The following EPSTI1 variants were observed in gnomAD, a reference collection of about 807,000 sequenced individuals.
EPSTI1 encodes the protein epithelial stromal interaction 1.
In EPSTI1, 66 loss-of-function variants were observed where a neutral mutation model predicts 49.9. That is an observed-to-expected ratio of 1.32 (90% CI 1.08 to 1.62). The LOEUF is 1.62. EPSTI1 is among the 40% of genes most tolerant of loss of function. The pLI is 0.00. For synonymous variants in EPSTI1, 137 were observed against 130.7 expected (o/e 1.05, Z -0.33); for missense variants, 394 against 365.5 (o/e 1.08, Z -0.64).
At chr13:42,936,875 T>C (rs2038582074) in intron 6 of EPSTI1, among the ~76,000 whole-genome samples, 1 of 152,194 alleles carries the variant, frequency 6.6e-6, no homozygotes, top group Non-Finnish European at 1.5e-5. Context: ...GGTTTTCACC[T>C]AGTAGCCCCC....
intron 1 of EPSTI1, among the ~76,000 whole-genome samples, chr13:42,976,293 A>AT (rs988527718): frequency 2.0e-5 from 3 of 152,202 alleles, no homozygotes; most frequent in African/African-American, 7.2e-5. Context: ...GGAATACACC[A>AT]TTTTTACAGC....
Position 42,917,640 on chromosome 13 carries a change from G to GACAAA in EPSTI1, c.658-17_658-16insTTTGT. ...AGCTTCTGGCCTGTAAAGGTACAAA[G>GACAAA]AGAAAAAAAAAAAAAAAAACAACTT... On this transcript the variant is annotated splice_polypyrimidine_tract_variant and intron_variant, in intron 7 of 10. Coordinates refer to ENST00000313624, the MANE Select transcript of EPSTI1 (RefSeq NM_033255.5). The GACAAA allele has an allele frequency of 6.7e-6, 1 of 149,418 alleles. No individual in the cohort carries two copies. 9.3% of individuals were successfully genotyped at this position (149,418 alleles called of 1,614,324 possible). A position where few individuals can be genotyped will look rare whatever the true frequency, so the allele number is the denominator to read the frequency against.
chr13:42,989,840 T>G (rs960476193), intron 1 of EPSTI1, among the ~76,000 whole-genome samples: 2 of 151,666 alleles, frequency 1.3e-5, no homozygotes, highest in Admixed American at 6.6e-5. Context: ...TGATCCGCCC[T>G]CCTCGGCCTC....
At chr13:42,949,742 C>A (rs939175696) in intron 6 of EPSTI1, among the ~76,000 whole-genome samples, 2 of 151,880 alleles carry the variant, frequency 1.3e-5, no homozygotes, top group Non-Finnish European at 2.9e-5. Flanking sequence ...TTTCCTAATA[C>A]CCGCACACAA....
chr13:42,909,102 T>C (rs113652152), intron 8 of EPSTI1, among the ~76,000 whole-genome samples: 22 of 151,068 alleles, frequency 1.5e-4, no homozygotes, highest in African/African-American at 5.4e-4. Context: ...TCAAAAATAA[T>C]AACAATTTAA....
rs572498341 is a variant in EPSTI1 at position 42,918,794 on chromosome 13, A to G, written c.658-1170T>C. On this transcript the variant is annotated intron_variant, in intron 7 of 10. Transcript: ENST00000313624. ...TTTCTCTTATTTGCATCCTAAACTC[A>G]AGGGGACTGTGCTAAGACATAGAAG... 2.6e-5 allele frequency among the ~76,000 whole-genome samples: 4 copies of G among 152,292 alleles called. No individual in the cohort carries two copies. The East Asian group carries it at 7.7e-4, about 29-fold the overall frequency.
intron 7 of EPSTI1, among the ~76,000 whole-genome samples, chr13:42,923,267 G>A (rs2153420735): frequency 6.6e-6 from 1 of 152,278 alleles, no homozygotes; most frequent in South Asian, 2.1e-4. Context: ...CGTTGAGGAA[G>A]TAGGGGCATA....
chr13:42,933,312 T>TAA (rs1178617129), intron 6 of EPSTI1, among the ~76,000 whole-genome samples: 849 of 77,296 alleles, frequency 0.011, 10 homozygotes, highest in African/African-American at 0.029. Flanking sequence ...ACATAAAAAG[T>TAA]AAAAAAAAAA....
intron 6 of EPSTI1, among the ~76,000 whole-genome samples, chr13:42,951,337 G>A (rs548907423): frequency 6.6e-6 from 1 of 152,252 alleles, no homozygotes; most frequent in East Asian, 1.9e-4. Flanking sequence ...AATTTCAAAA[G>A]TAATTCAAAA....
chr13:42,928,622 C>G (rs1330318069), intron 6 of EPSTI1, among the ~76,000 whole-genome samples: 2 of 152,194 alleles, frequency 1.3e-5, no homozygotes, highest in African/African-American at 4.8e-5. Context: ...AGGGTCCTTC[C>G]TGCTCATTCT....
chr13:42,932,769 C>G (rs1375066543), intron 6 of EPSTI1, among the ~76,000 whole-genome samples: 1 of 152,178 alleles, frequency 6.6e-6, no homozygotes, highest in East Asian at 1.9e-4. Flanking sequence ...AATAACTTAA[C>G]AGTGGAGACC....
chr13:42,936,803 T>C (rs1363955751), intron 6 of EPSTI1, among the ~76,000 whole-genome samples: 1 of 152,224 alleles, frequency 6.6e-6, no homozygotes, highest in Admixed American at 6.5e-5. Context: ...ACTCTTGATA[T>C]TTTTCTAAAT....
chr13:42,936,599 G>C lies in EPSTI1; in HGVS notation c.564-10170C>G, dbSNP rs146566780. On this transcript the variant is annotated intron_variant, in intron 6 of 10. Coordinates refer to ENST00000313624, the MANE Select transcript of EPSTI1 (RefSeq NM_033255.5). ...ATCTACCCGAACTCTACATGATAGAGCTCCTCTGTATTTGGTCCTGGGCCC... is the reference window on the plus strand; with the variant it reads ...ATCTACCCGAACTCTACATGATAGACCTCCTCTGTATTTGGTCCTGGGCCC... 4.1e-4 allele frequency among the ~76,000 whole-genome samples: 62 copies of C among 152,252 alleles called. No homozygotes were observed. The East Asian group carries it at 0.011, about 27-fold the overall frequency.
chr13:42,981,191 T>C (rs1351780291), intron 1 of EPSTI1, among the ~76,000 whole-genome samples: 1 of 152,250 alleles, frequency 6.6e-6, no homozygotes, highest in Non-Finnish European at 1.5e-5. Context: ...TGATATAGAA[T>C]AGACCCTTCA....
chr13:42,930,839 G>A (rs1292960550), intron 6 of EPSTI1, among the ~76,000 whole-genome samples: 3 of 152,276 alleles, frequency 2.0e-5, no homozygotes, highest in Non-Finnish European at 4.4e-5. Flanking sequence ...TCTATTAATT[G>A]ATAAATATCT....
At chr13:42,903,612 A>T (rs1364523285) in intron 8 of EPSTI1, among the ~76,000 whole-genome samples, 1 of 152,236 alleles carries the variant, frequency 6.6e-6, no homozygotes, top group Non-Finnish European at 1.5e-5. Flanking sequence ...AGGAAGAGAC[A>T]TGATACATAT....
Position 42,936,878 on chromosome 13 carries a change from T to C in EPSTI1, c.564-10449A>G, listed in dbSNP as rs150831861. On this transcript the variant is annotated intron_variant, in intron 6 of 10. Coordinates refer to ENST00000313624, the MANE Select transcript of EPSTI1 (RefSeq NM_033255.5). ...TTCCCAAACCTTGGTTTTCACCTAG[T>C]AGCCCCCATCTCAGTACATGGCATC... Among the ~76,000 whole-genome samples, 894 of 152,282 alleles carry C rather than the reference T, an allele frequency of 5.9e-3. 13 individuals are homozygous for C. The highest frequency in any genetic ancestry group is 0.02 in the African/African-American group (842 of 41,560).
intron 1 of EPSTI1, among the ~76,000 whole-genome samples, chr13:42,986,887 G>A (rs1030944260): frequency 7.3e-5 from 11 of 151,468 alleles, no homozygotes; most frequent in African/African-American, 2.2e-4. Context: ...AAAAGTTCTT[G>A]AACTATAAGG....
At chr13:42,971,244 G>A (rs2039759840) in intron 1 of EPSTI1, among the ~76,000 whole-genome samples, 1 of 152,192 alleles carries the variant, frequency 6.6e-6, no homozygotes, top group Non-Finnish European at 1.5e-5. Flanking sequence ...GCGGATCAGG[G>A]AAGACTTTTT....
Sources: allele counts gnomAD v4.1 joint callset (sites outside exome capture counted in the v4.1 genomes callset), GRCh38; gene constraint gnomAD v4.1.1; transcripts MANE v1.5; gene names NCBI Gene and HGNC (gene_info 2026-07-23, HGNC 2026-07-21).